Variants in ESYT2 observed in about 807,000 individuals in gnomAD.
ESYT2 encodes the protein extended synaptotagmin 2.
In ESYT2, 54 loss-of-function variants were observed where a neutral mutation model predicts 107.2. The observed-to-expected ratio is 0.50, with a 90% CI of 0.40 to 0.63. The LOEUF is 0.63. Among genes scored for constraint, ESYT2 ranks in the 30% least tolerant of loss-of-function variants. ESYT2 has a pLI of 0.00. For missense variants in ESYT2, 1,020 were observed against 1,094.5 expected (o/e 0.93, Z 0.96); for synonymous variants, 491 against 434.1 (o/e 1.13, Z -1.63).
chr7:158,787,024 GGCT>G (rs1374189822), intron 6 of ESYT2, among the ~76,000 whole-genome samples: 1 of 152,128 alleles, frequency 6.6e-6, no homozygotes, highest in African/African-American at 2.4e-5. Context: ...GCGAGGTGTG[GGCT>G]GATACAGACA....
intron 1 of ESYT2, among the ~76,000 whole-genome samples, chr7:158,808,332 A>G (rs1441673512): frequency 6.6e-6 from 1 of 152,246 alleles, no homozygotes; most frequent in Admixed American, 6.5e-5. Flanking sequence ...GTTCGCGCCG[A>G]GCATGCTCCC....
intron 13 of ESYT2, 102 bp downstream of exon 13, chr7:158,759,384 G>C (rs915417857): frequency 4.2e-6 from 3 of 708,600 alleles, no homozygotes; most frequent in Non-Finnish European, 4.3e-6. Context: ...AACACAACAA[G>C]AAGAGAACAG....
At chr7:158,796,679 G>T (rs192785465) in intron 3 of ESYT2, among the ~76,000 whole-genome samples, 1 of 152,224 alleles carries the variant, frequency 6.6e-6, no homozygotes, top group African/African-American at 2.4e-5. Flanking sequence ...AGACGGCACC[G>T]CGGACAAGAA....
At chr7:158,775,733 T>C (rs567126509) in intron 6 of ESYT2, among the ~76,000 whole-genome samples, 12 of 152,254 alleles carry the variant, frequency 7.9e-5, no homozygotes, top group African/African-American at 1.7e-4. Flanking sequence ...TCCATGAGAG[T>C]TGGAATCAAC....
At chr7:158,770,389 C>T (rs1284096847) in intron 7 of ESYT2, among the ~76,000 whole-genome samples, 2 of 151,164 alleles carry the variant, frequency 1.3e-5, no homozygotes, top group Non-Finnish European at 2.9e-5. Flanking sequence ...TATATATAAA[C>T]TTAGAAAAGA....
In ESYT2 at chr7:158,829,242, G is replaced by A; in HGVS notation, c.177C>T (p.Ser59=). 6.5e-7 allele frequency: 1 copy of A among 1,528,744 alleles called. No homozygotes were observed. Among genetic ancestry groups the A allele is most frequent in the South Asian group, 1.2e-5 (1 of 83,700 alleles). The allele number at this position is 1,528,744 out of a possible 1,614,324, so 94.7% of individuals were successfully genotyped here. The change falls in exon 1 of 23, where the codon AGC becomes AGT. Residue 59 remains serine (S), a synonymous_variant. Transcript: ENST00000275418. ...PVYALGYLGL[S]FSWVLLALAL... is the part of the protein sequence containing the mutation. ...CGAGCGCGAGGAGAACCCAGCTGAAGCTGAGCCCCAGGTAGCCCAGCGCGT... is the reference window on the plus strand; with the variant it reads ...CGAGCGCGAGGAGAACCCAGCTGAAACTGAGCCCCAGGTAGCCCAGCGCGT...
chr7:158,773,243 G>T, intron 7 of ESYT2, 98 bp downstream of exon 7: 1 of 1,316,946 alleles, frequency 7.6e-7, no homozygotes, highest in Non-Finnish European at 1.1e-6. Flanking sequence ...TCACCTGGCA[G>T]ACGCAGGTCT....
intron 6 of ESYT2, among the ~76,000 whole-genome samples, chr7:158,784,659 T>C (rs1839045645): frequency 6.6e-6 from 1 of 152,258 alleles, no homozygotes; most frequent in African/African-American, 2.4e-5. Context: ...GTACACGTCA[T>C]GAGACATCAA....
At chr7:158,774,693 A>G (rs1387749890) in intron 6 of ESYT2, among the ~76,000 whole-genome samples, 1 of 152,268 alleles carries the variant, frequency 6.6e-6, no homozygotes, top group Non-Finnish European at 1.5e-5. Flanking sequence ...GGATTCTATC[A>G]TTTAGTTCTG....
At chr7:158,824,803 TAAAA>T (rs886237878) in intron 1 of ESYT2, among the ~76,000 whole-genome samples, 18 of 152,234 alleles carry the variant, frequency 1.2e-4, no homozygotes, top group Non-Finnish European at 2.1e-4. Context: ...TTCAAATAAA[TAAAA>T]ATAGTAATGA....
intron 10 of ESYT2, among the ~76,000 whole-genome samples, chr7:158,762,793 CAA>C (rs1203773115): frequency 3.3e-5 from 5 of 152,202 alleles, no homozygotes; most frequent in African/African-American, 1.2e-4. Flanking sequence ...GCCTTGTAAA[CAA>C]AGAGAGTGCC....
At chr7:158,824,743 A>G (rs2129474405) in intron 1 of ESYT2, among the ~76,000 whole-genome samples, 1 of 152,352 alleles carries the variant, frequency 6.6e-6, no homozygotes, top group East Asian at 1.9e-4. Context: ...TTTATTGGCA[A>G]TAGTAAAAGC....
Position 158,743,559 on chromosome 7 carries a change from G to A in ESYT2, c.1764C>T (p.Asn588=). Residue 588 remains asparagine (N), a synonymous_variant, in exon 17 of 23, where the codon AAC becomes AAT. Transcript: ENST00000275418. ...QRFQLSNSGP[N]STIKMKIALR... ...GGGCAATCTTCATCTTGATGGTGCT[G>A]TTTGGACCCGAGTTACTGAGCTGGA... 6.2e-7 allele frequency: 1 copy of A among 1,612,984 alleles called. No homozygotes were observed. The highest frequency in any genetic ancestry group is 1.1e-5 in the South Asian group (1 of 90,918).
intron 1 of ESYT2, among the ~76,000 whole-genome samples, chr7:158,809,708 G>GT (rs999169238): frequency 6.6e-6 from 1 of 152,172 alleles, no homozygotes; most frequent in Non-Finnish European, 1.5e-5. Context: ...TTAACACATT[G>GT]TAAGTTTCAG....
At chr7:158,759,085 G>A (rs1367458207) in intron 13 of ESYT2, among the ~76,000 whole-genome samples, 1 of 152,162 alleles carries the variant, frequency 6.6e-6, no homozygotes, top group African/African-American at 2.4e-5. Context: ...AGGCCCAGCA[G>A]CTCACGCACG....
rs778496721 is a variant in ESYT2 at position 158,761,563 on chromosome 7, G to A, written c.1185-19C>T. ...CATAAGACTATAAAAATAACAATAC[G>A]ACAACTTTAGAACATAGAAACACAT... is the stretch of plus-strand genomic sequence containing the variant. On this transcript the variant is annotated intron_variant, in intron 10 of 22. Transcript: ENST00000275418. The A allele has an allele frequency of 3.1e-5, 50 of 1,604,812 alleles. No homozygotes were observed. In the South Asian group the frequency reaches 3.5e-4, roughly 11 times the overall value.
At chr7:158,748,517 T>C (rs1837479437) in intron 15 of ESYT2, among the ~76,000 whole-genome samples, 1 of 152,138 alleles carries the variant, frequency 6.6e-6, no homozygotes, top group South Asian at 2.1e-4. Flanking sequence ...TTAGAGTTTG[T>C]CATGAGGCCC....
At chr7:158,741,472 T>TG (rs66689505) in intron 18 of ESYT2, 51 bp downstream of exon 18, 1,403,393 of 1,508,692 alleles carry the variant, frequency 0.93, 654,144 homozygotes, top group Middle Eastern at 0.95. Context: ...CAGCGTGGGG[T>TG]GGGGGGCGCT....
intron 4 of ESYT2, among the ~76,000 whole-genome samples, chr7:158,792,452 T>C (rs963143001): frequency 7.9e-5 from 12 of 151,438 alleles, no homozygotes; most frequent in African/African-American, 2.9e-4. Flanking sequence ...CGCTTGATTC[T>C]GGGAGGTCGA....
Sources: allele counts gnomAD v4.1 joint callset (sites outside exome capture counted in the v4.1 genomes callset), GRCh38; gene constraint gnomAD v4.1.1; transcripts MANE v1.5; gene names NCBI Gene and HGNC (gene_info 2026-07-23, HGNC 2026-07-21).